The following SURF6 variants were observed in gnomAD, a reference collection of about 807,000 sequenced individuals.
The protein encoded by SURF6 is surfeit locus protein 6.
Under a neutral mutation model 37.5 loss-of-function variants are expected in SURF6, and 28 were observed. The observed-to-expected ratio is 0.75, with a 90% confidence interval of 0.55 to 1.02. SURF6 has a LOEUF of 1.02. SURF6 is among the 50% of genes least tolerant of loss of function. The pLI is 0.00. For missense variants in SURF6, 560 were observed against 490.5 expected, an observed-to-expected ratio of 1.14 and a Z score of -1.34; for synonymous variants, 248 against 210.9, an observed-to-expected ratio of 1.18 and a Z score of -1.52.
chr9:133,336,168 C>T lies in SURF6; in HGVS notation c.-36G>A. 1.3e-6 allele frequency: 2 copies of T among 1,568,904 alleles called. No homozygotes were observed. The highest frequency in any genetic ancestry group is 1.1e-5 in the South Asian group (1 of 89,364). Reference sequence around the variant, plus strand: ...CGGGCCGTTCACGACTCACACCTTCCCCGCTGCGCGTGCGACTCTCACCAC... The same window carrying T: ...CGGGCCGTTCACGACTCACACCTTCTCCGCTGCGCGTGCGACTCTCACCAC... On this transcript the variant is annotated 5_prime_UTR_variant, in exon 1 of 5. Coordinates refer to ENST00000372022, the MANE Select transcript of SURF6 (RefSeq NM_006753.6).
rs1835669115 is a variant in SURF6 at position 133,329,516 on chromosome 9, C to A, written c.*2353G>T. The A allele has an allele frequency of 8.9e-6, 2 of 225,148 alleles. No individual in the cohort carries two copies. The highest frequency in any genetic ancestry group is 1.8e-5 in the Non-Finnish European group (2 of 110,804). The allele number at this position is 225,148 out of a possible 1,614,324, so 13.9% of individuals were successfully genotyped here. ...GTCTTCCCAGACGCTGGCGTCACCG[C>A]TAGACCAAGGAGCCCTCTGGTGGCC... On this transcript the variant is annotated 3_prime_UTR_variant, in exon 5 of 5. Transcript: ENST00000372022.
chr9:133,332,794 T>C (rs1835781424), intron 3 of SURF6, 34 bp from the exon 4 acceptor site: 2 of 1,599,236 alleles, frequency 1.3e-6, no homozygotes, highest in Non-Finnish European at 1.7e-6. Flanking sequence ...ATTAAAGTTC[T>C]CTCGATCCCA....
rs2129916245 is a variant in SURF6, at chr9:133,332,202, G to C, written c.753C>G (p.Asp251Glu). 3.7e-6 allele frequency: 6 copies of C among 1,608,356 alleles called. No individual in the cohort carries two copies. The highest frequency in any genetic ancestry group is 2.7e-5 in the African/African-American group (2 of 74,930). ...TCCCCTCATCCTGGCCGCGCAGCTC[G>C]TCCAGCCGGCTCTGCCGTGCCTGCA... ...ERLQARQSRL[D>E]ELRGQDEGKA... Residue 251 changes from aspartate (D) to glutamate (E), a missense_variant, in exon 5 of 5, where the codon GAC (aspartate) becomes GAG (glutamate). Coordinates refer to ENST00000372022, the MANE Select transcript of SURF6 (RefSeq NM_006753.6).
chr9:133,332,196 C>G lies in SURF6; in HGVS notation c.759G>C (p.Leu253=), dbSNP rs115534865. The G allele has an allele frequency of 7.3e-4, 1,181 of 1,608,866 alleles. 7 individuals carry two copies. In the African/African-American group the frequency reaches 0.014, roughly 19 times the overall value. Residue 253 remains leucine (L), a synonymous_variant, in exon 5 of 5, where the codon CTG becomes CTC. Coordinates refer to ENST00000372022, the MANE Select transcript of SURF6 (RefSeq NM_006753.6). Reference sequence around the variant, plus strand: ...GCGCCTTCCCCTCATCCTGGCCGCGCAGCTCGTCCAGCCGGCTCTGCCGTG... The same window carrying G: ...GCGCCTTCCCCTCATCCTGGCCGCGGAGCTCGTCCAGCCGGCTCTGCCGTG... ...LQARQSRLDE[L]RGQDEGKAQE...
At chr9:133,333,677 G>T in intron 3 of SURF6, 41 bp downstream of exon 3, 1 of 1,588,252 alleles carries the variant, frequency 6.3e-7, no homozygotes, top group Non-Finnish European at 8.6e-7. Context: ...GGAGAACACA[G>T]GCAGAGCAGT....
At position 133,331,865 on chromosome 9, in the gene SURF6, A is replaced by C; in HGVS notation, c.*4T>G. The C allele has an allele frequency of 6.7e-7, 1 of 1,498,500 alleles. No individual in the cohort carries two copies. The highest frequency in any genetic ancestry group is 8.8e-7 in the Non-Finnish European group (1 of 1,134,192). 92.8% of individuals were successfully genotyped at this position (1,498,500 alleles called of 1,614,324 possible). A position where few individuals can be genotyped will look rare whatever the true frequency, so the allele number is the denominator to read the frequency against. Reference sequence around the variant, plus strand: ...GGAAGACGGCGGCCCCAGGTGGGAAAGACTCAGACCAGGCCTGCGCGCTCC... The same window carrying C: ...GGAAGACGGCGGCCCCAGGTGGGAACGACTCAGACCAGGCCTGCGCGCTCC... On this transcript the variant is annotated 3_prime_UTR_variant, in exon 5 of 5. Transcript: ENST00000372022.
Position 133,331,942 on chromosome 9 carries a change from T to C in SURF6, c.1013A>G (p.Glu338Gly). The C allele has an allele frequency of 1.9e-6, 3 of 1,588,172 alleles. No homozygotes were observed. Among genetic ancestry groups the C allele is most frequent in the Non-Finnish European group, 2.6e-6 (3 of 1,174,874 alleles). The change falls in exon 5 of 5, where the codon GAG becomes GGG. Residue 338 changes from glutamate (E) to glycine (G), a missense_variant. By Grantham distance (98) the Glu-to-Gly change is moderately conservative (BLOSUM62 -2). Coordinates refer to ENST00000372022, the MANE Select transcript of SURF6 (RefSeq NM_006753.6). The stretch of plus-strand genomic sequence containing the variant: ...CTTGCGGGCTCTGAGCAGGCGGCGC[T>C]CGGCGCGGGCCGCCTTCTTCCTGCG... The part of the protein sequence containing the change: ...NLRRKKAARA[E>G]RRLLRARKKG...
Position 133,332,324 on chromosome 9 carries a change from C to A in SURF6, c.631G>T (p.Ala211Ser). 1.3e-6 allele frequency: 2 copies of A among 1,586,768 alleles called. No homozygotes were observed. The highest frequency in any genetic ancestry group is 1.1e-5 in the South Asian group (1 of 89,842). The change falls in exon 5 of 5, where the codon GCC becomes TCC. Residue 211 changes from alanine (A) to serine (S), a missense_variant. Physicochemically the swap from Ala to Ser is moderately conservative, Grantham distance 99. Transcript: ENST00000372022. The part of the protein sequence containing the change: ...NKVEVSEDEP[A>S]SKAQRRKEKR... ...TCTTTTCTGCGCTGCGCCTTGCTGGCCGGCTCGTCTTCGCTCACCTCCACC... is the reference window on the plus strand; with the variant it reads ...TCTTTTCTGCGCTGCGCCTTGCTGGACGGCTCGTCTTCGCTCACCTCCACC...
At position 133,336,153 on chromosome 9, in the gene SURF6, A is replaced by C. The variant is rs2129934757; in HGVS notation, c.-21T>G. On this transcript the variant is annotated 5_prime_UTR_variant, in exon 1 of 5. Transcript: ENST00000372022. ...GCCATGGCGGAGACCCGGGCCGTTC[A>C]CGACTCACACCTTCCCCGCTGCGCG... The C allele has an allele frequency of 3.1e-6, 5 of 1,599,958 alleles. No homozygotes were observed. In the Admixed American group the frequency reaches 5.0e-5, roughly 16 times the overall value.
rs12335 is a variant in SURF6, at chr9:133,330,998, A to G, written c.*871T>C. 0.53 allele frequency: 80,439 copies of G among 152,030 alleles called. 21,588 individuals carry two copies. Among genetic ancestry groups the G allele is most frequent in the African/African-American group, 0.58 (24,217 of 41,456 alleles). The allele number at this position is 152,030 out of a possible 1,614,324, so 9.4% of individuals were successfully genotyped here. The stretch of plus-strand genomic sequence containing the variant: ...CCTGTTCAGTTACAGTCTTTGTCTC[A>G]TAACCGGAGAGTTTCATCAAAAGAA... On this transcript the variant is annotated 3_prime_UTR_variant, in exon 5 of 5. Transcript: ENST00000372022.
At chr9:133,332,425 G>C in intron 4 of SURF6, 77 bp from the exon 5 acceptor site, 4 of 1,528,004 alleles carry the variant, frequency 2.6e-6, no homozygotes, top group Non-Finnish European at 1.7e-6. Flanking sequence ...TAAGGGACCT[G>C]CGAGGTCCCC....
At position 133,332,396 on chromosome 9, in the gene SURF6, C is replaced by G. The variant is rs2129918176; in HGVS notation, c.607-48G>C. Reference sequence around the variant, plus strand: ...GCTCATGCCAGCCCTGCACTAGGCCCCAGCCTTGGCCAGTACCCTAAGGGA... The same window carrying G: ...GCTCATGCCAGCCCTGCACTAGGCCGCAGCCTTGGCCAGTACCCTAAGGGA... On this transcript the variant is annotated intron_variant, in intron 4 of 4. Coordinates refer to ENST00000372022, the MANE Select transcript of SURF6 (RefSeq NM_006753.6). 1.0e-5 allele frequency: 16 copies of G among 1,536,218 alleles called. No homozygotes were observed. The African/African-American group carries it at 1.8e-4, about 17-fold the overall frequency.
Position 133,333,729 on chromosome 9 carries a change from C to A in SURF6, c.382G>T (p.Ala128Ser). The A allele has an allele frequency of 6.2e-7, 1 of 1,613,884 alleles. No homozygotes were observed. The change falls in exon 3 of 5, where the codon GCC (alanine) becomes TCC (serine). Residue 128 changes from alanine (A) to serine (S), a missense_variant. Transcript: ENST00000372022. ...RQRLHEKIQE[A>S]RGQGSAKELS... is the part of the protein sequence containing the mutation. ...ACCTGCCCGCCTACCTGGCCCCGGG[C>A]CTCCTGGATCTTCTCATGCAGTCGC...
intron 2 of SURF6, 108 bp downstream of exon 2, chr9:133,334,284 C>T: frequency 1.0e-6 from 1 of 1,004,742 alleles, no homozygotes; most frequent in Non-Finnish European, 1.4e-6. Flanking sequence ...TCGTGCTATC[C>T]CTGTGCGCCT....
At position 133,332,535 on chromosome 9, in the gene SURF6, A is replaced by G. The variant is rs2129918803; in HGVS notation, c.606+13T>C. The G allele has an allele frequency of 5.6e-6, 9 of 1,604,172 alleles. No individual in the cohort carries two copies. The African/African-American group carries it at 1.1e-4, about 19-fold the overall frequency. On this transcript the variant is annotated intron_variant, in intron 4 of 4. Transcript: ENST00000372022. ...GCCGACCCAGCCCGCCCAAGGACCC[A>G]GCTCCCGCTCACCTTATTGAAGATC... is the stretch of plus-strand genomic sequence containing the variant.
intron 4 of SURF6, 98 bp downstream of exon 4, chr9:133,332,450 G>A: frequency 6.5e-7 from 1 of 1,541,138 alleles, no homozygotes; most frequent in South Asian, 1.2e-5. Context: ...CCACCTTACA[G>A]ACATGATGGG....
Position 133,336,142 on chromosome 9 carries a change from C to A in SURF6, c.-10G>T. The A allele has an allele frequency of 6.2e-7, 1 of 1,609,510 alleles. No homozygotes were observed. The highest frequency in any genetic ancestry group is 8.5e-7 in the Non-Finnish European group (1 of 1,178,848). ...CGAGTAGAGAGGCCATGGCGGAGAC[C>A]CGGGCCGTTCACGACTCACACCTTC... On this transcript the variant is annotated 5_prime_UTR_variant, in exon 1 of 5. Transcript: ENST00000372022.
At position 133,336,155 on chromosome 9, in the gene SURF6, G is replaced by T; in HGVS notation, c.-23C>A. On this transcript the variant is annotated 5_prime_UTR_variant, in exon 1 of 5. Transcript: ENST00000372022. The stretch of plus-strand genomic sequence containing the variant: ...CATGGCGGAGACCCGGGCCGTTCAC[G>T]ACTCACACCTTCCCCGCTGCGCGTG... The T allele has an allele frequency of 1.9e-6, 3 of 1,588,282 alleles. No homozygotes were observed. The highest frequency in any genetic ancestry group is 2.6e-6 in the Non-Finnish European group (3 of 1,166,624).
At chr9:133,333,277 G>A (rs2129923145) in intron 3 of SURF6, among the ~76,000 whole-genome samples, 4 of 152,298 alleles carry the variant, frequency 2.6e-5, no homozygotes, top group South Asian at 2.1e-4. Flanking sequence ...TCGGGATGGC[G>A]GAGGAGAGTA....
Sources: allele counts gnomAD v4.1 joint callset (sites outside exome capture counted in the v4.1 genomes callset), GRCh38; gene constraint gnomAD v4.1.1; transcripts MANE v1.5; gene names NCBI Gene and HGNC (gene_info 2026-07-23, HGNC 2026-07-21).